The following EXD1 variants were observed in gnomAD, a reference collection of about 807,000 sequenced individuals.
EXD1 encodes exonuclease 3'-5' domain containing 1.
EXD1 carries 63 observed loss-of-function variants against 49.1 expected under a neutral mutation model. That is an observed-to-expected ratio of 1.28 (90% CI 1.05 to 1.58). EXD1 has a LOEUF of 1.58. EXD1 is among the 40% of genes most tolerant of loss of function. The probability of loss-of-function intolerance (pLI) is 0.00; values close to 1 mark genes in which losing one functional copy is unlikely to be tolerated. For synonymous variants in EXD1, 234 were observed against 239.2 expected (o/e 0.98, Z 0.20); for missense variants, 748 against 666.0 (o/e 1.12, Z -1.36).
At chr15:41,224,942 T>C (rs1205971865) in intron 2 of EXD1, among the ~76,000 whole-genome samples, 1 of 151,446 alleles carries the variant, frequency 6.6e-6, no homozygotes, top group Non-Finnish European at 1.5e-5. Context: ...CAATCCAGCC[T>C]GGATAACAGA....
At chr15:41,218,892 C>T (rs950062992) in intron 3 of EXD1, among the ~76,000 whole-genome samples, 6 of 152,150 alleles carry the variant, frequency 3.9e-5, no homozygotes, top group Non-Finnish European at 8.8e-5. Context: ...CTCCTAAACG[C>T]TTGTTTTCTC....
At chr15:41,186,250 T>A (rs2046406077) in intron 11 of EXD1, among the ~76,000 whole-genome samples, 1 of 151,988 alleles carries the variant, frequency 6.6e-6, no homozygotes, top group African/African-American at 2.4e-5. Context: ...GGTGGGTGGA[T>A]CACTTGAGGT....
At chr15:41,210,193 G>A (rs2140880028) in intron 6 of EXD1, among the ~76,000 whole-genome samples, 1 of 152,274 alleles carries the variant, frequency 6.6e-6, no homozygotes, top group Middle Eastern at 3.4e-3. Context: ...GGGATTACAG[G>A]TGTGAGCTAC....
chr15:41,226,415 C>G, intron 2 of EXD1, 28 bp downstream of exon 2: 1 of 1,532,286 alleles, frequency 6.5e-7, no homozygotes, highest in Non-Finnish European at 8.7e-7. Context: ...TCTTAAAAGG[C>G]AGAACATTAT....
chr15:41,205,827 C>T (rs2046814146), intron 7 of EXD1, among the ~76,000 whole-genome samples: 1 of 151,122 alleles, frequency 6.6e-6, no homozygotes, highest in Non-Finnish European at 1.5e-5. Context: ...TTCTCCTTGA[C>T]TCAGCAGAGA....
chr15:41,225,587 G>GA (rs57943891), intron 2 of EXD1, among the ~76,000 whole-genome samples: 25,232 of 137,076 alleles, frequency 0.18, 2,878 homozygotes, highest in Non-Finnish European at 0.27. Context: ...CTCATTCTCA[G>GA]AAAAAAAAAA....
intron 9 of EXD1, among the ~76,000 whole-genome samples, chr15:41,193,926 G>A (rs145803390): frequency 6.0e-5 from 9 of 150,454 alleles, no homozygotes; most frequent in Admixed American, 3.3e-4. Flanking sequence ...CTTTGCAGCT[G>A]TGATTAAGTT....
In EXD1 at chr15:41,230,484, G is replaced by T. The variant is rs575087681; in HGVS notation, c.-59C>A. On this transcript the variant is annotated 5_prime_UTR_variant, in exon 1 of 12. Transcript: ENST00000458580. ...ACTTCAAATAAATGGCGGACCATAAGCTAGGAATTCACTGTCCTCCATCGT... is the reference window on the plus strand; with the variant it reads ...ACTTCAAATAAATGGCGGACCATAATCTAGGAATTCACTGTCCTCCATCGT... 1 of 1,613,716 alleles carries T rather than the reference G, an allele frequency of 6.2e-7. No homozygotes were observed. Among genetic ancestry groups the T allele is most frequent in the African/African-American group, 1.3e-5 (1 of 75,058 alleles).
At chr15:41,198,142 T>C (rs2046645148) in intron 7 of EXD1, among the ~76,000 whole-genome samples, 1 of 152,132 alleles carries the variant, frequency 6.6e-6, no homozygotes, top group Non-Finnish European at 1.5e-5. Context: ...CCTAAAACCC[T>C]TGGAATCTTG....
At chr15:41,219,685 A>G (rs2047056366) in intron 3 of EXD1, 145 bp downstream of exon 3, 1 of 628,894 alleles carries the variant, frequency 1.6e-6, no homozygotes. Flanking sequence ...TATTTTACTC[A>G]TAGAGTACCC....
chr15:41,217,644 C>T (rs1200959534), intron 3 of EXD1, among the ~76,000 whole-genome samples: 1 of 151,690 alleles, frequency 6.6e-6, no homozygotes, highest in East Asian at 1.9e-4. Flanking sequence ...GATACTCCTG[C>T]CTCAGCCTCC....
intron 11 of EXD1, 60 bp from the exon 12 acceptor site, chr15:41,184,653 AATC>A: frequency 6.9e-7 from 1 of 1,442,286 alleles, no homozygotes; most frequent in Non-Finnish European, 9.1e-7. Context: ...TGGTACTTAA[AATC>A]ACTTTTTTTT....
At chr15:41,210,732 A>C (rs947310889) in intron 6 of EXD1, among the ~76,000 whole-genome samples, 3 of 152,130 alleles carry the variant, frequency 2.0e-5, no homozygotes, top group Non-Finnish European at 4.4e-5. Context: ...GATTATCTAT[A>C]ATCTTACCCT....
At chr15:41,217,474 C>T (rs546196377) in intron 3 of EXD1, among the ~76,000 whole-genome samples, 1 of 152,010 alleles carries the variant, frequency 6.6e-6, no homozygotes, top group Non-Finnish European at 1.5e-5. Flanking sequence ...ATTTCTTTCC[C>T]ACCATCCCAA....
At position 41,205,454 on chromosome 15, in the gene EXD1, G is replaced by A. The variant is rs562302011; in HGVS notation, c.534+4047C>T. On this transcript the variant is annotated intron_variant, in intron 7 of 11. Coordinates refer to ENST00000458580, the MANE Select transcript of EXD1 (RefSeq NM_001286441.2). Reference sequence around the variant, plus strand: ...GAAAAAACTGTATGGCATCCTTAAAGATATGGAACAGCTTAGTCATAGGTA... The same window carrying A: ...GAAAAAACTGTATGGCATCCTTAAAAATATGGAACAGCTTAGTCATAGGTA... Among the ~76,000 whole-genome samples, 8 of 152,244 alleles carry A rather than the reference G, an allele frequency of 5.3e-5. No homozygotes were observed. In the South Asian group the frequency reaches 1.7e-3, roughly 32 times the overall value.
In EXD1 at chr15:41,230,730, C is replaced by T; in HGVS notation, c.-305G>A. On this transcript the variant is annotated 5_prime_UTR_variant, in exon 1 of 12. Coordinates refer to ENST00000458580, the MANE Select transcript of EXD1 (RefSeq NM_001286441.2). Reference sequence around the variant, plus strand: ...GGGACACACGCCGCAGAGGCGACGCCCGCCCGGCCCAACGTCCAGTCTCGT... The same window carrying T: ...GGGACACACGCCGCAGAGGCGACGCTCGCCCGGCCCAACGTCCAGTCTCGT... 3 of 620,488 alleles carry T rather than the reference C, an allele frequency of 4.8e-6. No individual in the cohort carries two copies. The highest frequency in any genetic ancestry group is 4.1e-5 in the South Asian group (2 of 48,960). 38.4% of individuals were successfully genotyped at this position (620,488 alleles called of 1,614,324 possible). A position where few individuals can be genotyped will look rare whatever the true frequency, so the allele number is the denominator to read the frequency against.
chr15:41,197,987 G>A (rs373161525), intron 7 of EXD1, among the ~76,000 whole-genome samples: 8 of 151,958 alleles, frequency 5.3e-5, no homozygotes, highest in African/African-American at 1.2e-4. Flanking sequence ...TTGCGCCATC[G>A]CACTCCAGCC....
Position 41,217,136 on chromosome 15 carries a change from A to C in EXD1, c.221T>G (p.Val74Gly). 6.2e-7 allele frequency: 1 copy of C among 1,612,314 alleles called. No individual in the cohort carries two copies. Among genetic ancestry groups the C allele is most frequent in the Non-Finnish European group, 8.5e-7 (1 of 1,179,878 alleles). ...TTTTGCTCTCACTGAGCCTTGTTCCACTTCATCTAGTAGTTCCACTGTAAA... is the reference window on the plus strand; with the variant it reads ...TTTTGCTCTCACTGAGCCTTGTTCCCCTTCATCTAGTAGTTCCACTGTAAA... ...EIVNVELLDE[V>G]EQGSVRAKAS... Residue 74 changes from valine to glycine, a missense_variant, in exon 4 of 12, where the codon GTG (valine) becomes GGG (glycine). Coordinates refer to ENST00000458580, the MANE Select transcript of EXD1 (RefSeq NM_001286441.2).
intron 2 of EXD1, among the ~76,000 whole-genome samples, chr15:41,223,864 C>CA (rs1437567057): frequency 6.7e-6 from 1 of 148,240 alleles, no homozygotes; most frequent in South Asian, 2.1e-4. Flanking sequence ...GACTCTGTTT[C>CA]AAAAAAAAAG....
Sources: allele counts gnomAD v4.1 joint callset (sites outside exome capture counted in the v4.1 genomes callset), GRCh38; gene constraint gnomAD v4.1.1; transcripts MANE v1.5; gene names NCBI Gene and HGNC (gene_info 2026-07-23, HGNC 2026-07-21).